UST: variants seen among roughly 807,000 people sequenced by gnomAD.
The protein encoded by UST is uronyl 2-sulfotransferase, also known as chondroitin sulfate 2-O-sulfotransferase.
A neutral mutation model predicts 45.6 loss-of-function variants in UST; 21 were observed. The observed-to-expected ratio is 0.46, with a 90% CI of 0.33 to 0.66. UST has a LOEUF of 0.66. UST is among the 30% of genes least tolerant of loss of function. The probability of loss-of-function intolerance (pLI) is 0.02; values close to 1 mark genes in which losing one functional copy is unlikely to be tolerated. For missense variants in UST, 463 were observed against 512.4 expected, an observed-to-expected ratio of 0.90 and a Z score of 0.93; for synonymous variants, 215 against 200.6, an observed-to-expected ratio of 1.07 and a Z score of -0.61.
chr6:148,879,389 G>A (rs1354294136), intron 1 of UST, among the ~76,000 whole-genome samples: 3 of 152,216 alleles, frequency 2.0e-5, no homozygotes, highest in Non-Finnish European at 4.4e-5. Context: ...TTTTACTTCT[G>A]GAAAGTGGGA....
At chr6:148,792,485 T>A (rs1776868447) in intron 1 of UST, among the ~76,000 whole-genome samples, 1 of 152,234 alleles carries the variant, frequency 6.6e-6, no homozygotes, top group Non-Finnish European at 1.5e-5. Context: ...AAGACAACTT[T>A]GAAAAATCTT....
In UST at chr6:149,076,857, C is replaced by A. The variant is rs1582988867; in HGVS notation, c.*2741C>A. 1 of 148,250 alleles carries A rather than the reference C, an allele frequency of 6.7e-6. No individual in the cohort carries two copies. The highest frequency in any genetic ancestry group is 1.5e-5 in the Non-Finnish European group (1 of 67,372). 9.2% of individuals were successfully genotyped at this position (148,250 alleles called of 1,614,324 possible). A position where few individuals can be genotyped will look rare whatever the true frequency, so the allele number is the denominator to read the frequency against. On this transcript the variant is annotated 3_prime_UTR_variant, in exon 8 of 8. Coordinates refer to ENST00000367463, the MANE Select transcript of UST (RefSeq NM_005715.3). ...ACCTTCAGCCTACTTTCTTGAGTGCCGTAAAAGTGCTTGTAAATCTTTTTT... is the reference window on the plus strand; with the variant it reads ...ACCTTCAGCCTACTTTCTTGAGTGCAGTAAAAGTGCTTGTAAATCTTTTTT...
At chr6:148,866,754 T>A (rs9322155) in intron 1 of UST, among the ~76,000 whole-genome samples, 81,813 of 151,954 alleles carry the variant, frequency 0.54, 23,343 homozygotes, top group East Asian at 0.98. Context: ...TTGTTTTTAT[T>A]CTCCTTACAA....
At chr6:148,921,846 C>T (rs973276811) in intron 2 of UST, among the ~76,000 whole-genome samples, 14 of 152,114 alleles carry the variant, frequency 9.2e-5, no homozygotes, top group Admixed American at 3.3e-4. Context: ...TCCCCACTGC[C>T]GCCACCCATG....
rs577911385 is a variant in UST, at chr6:148,811,462, T to C, written c.247+63785T>C. Among the ~76,000 whole-genome samples the C allele has an allele frequency of 1.2e-4, 19 of 152,292 alleles. No homozygotes were observed. In the South Asian group the frequency reaches 2.7e-3, roughly 22 times the overall value. On this transcript the variant is annotated intron_variant, in intron 1 of 7. Coordinates refer to ENST00000367463, the MANE Select transcript of UST (RefSeq NM_005715.3). ...TGTCTTATAGCAAAAAGTATGGATG[T>C]CGGAATGGGTGAGAATTGGCGCCAT...
At chr6:148,961,725 G>C (rs547631064) in intron 4 of UST, among the ~76,000 whole-genome samples, 5 of 152,366 alleles carry the variant, frequency 3.3e-5, no homozygotes, top group South Asian at 4.1e-4. Flanking sequence ...AAAAATCACT[G>C]TATGGGATGG....
rs763079487 is a variant in UST at position 148,943,974 on chromosome 6, C to T, written c.447+2540C>T. The stretch of plus-strand genomic sequence containing the variant: ...GCCAGGAAATAAAAGGACAAGAAAC[C>T]CAGTTTGAAGTTCAACAACATTTAG... On this transcript the variant is annotated intron_variant, in intron 3 of 7. Coordinates refer to ENST00000367463, the MANE Select transcript of UST (RefSeq NM_005715.3). Among the ~76,000 whole-genome samples, 3 of 152,124 alleles carry T rather than the reference C, an allele frequency of 2.0e-5. No individual in the cohort carries two copies. In the South Asian group the frequency reaches 6.2e-4, roughly 32 times the overall value.
intron 2 of UST, among the ~76,000 whole-genome samples, chr6:148,912,111 C>T (rs988768712): frequency 6.6e-6 from 1 of 152,188 alleles, no homozygotes; most frequent in African/African-American, 2.4e-5. Context: ...GCAGGAGAAT[C>T]GTCTGAACCT....
chr6:148,861,981 G>A (rs1395455964), intron 1 of UST, among the ~76,000 whole-genome samples: 1 of 152,116 alleles, frequency 6.6e-6, no homozygotes, highest in Non-Finnish European at 1.5e-5. Flanking sequence ...CTGTTGATTT[G>A]GGGTGGAGAG....
chr6:149,037,549 G>A (rs1321160603), intron 7 of UST, among the ~76,000 whole-genome samples: 1 of 152,232 alleles, frequency 6.6e-6, no homozygotes, highest in Non-Finnish European at 1.5e-5. Context: ...CAGCACAGAA[G>A]GAAGAGTGTT....
intron 5 of UST, among the ~76,000 whole-genome samples, chr6:149,000,425 A>G (rs1427121589): frequency 1.3e-5 from 2 of 152,168 alleles, no homozygotes; most frequent in Non-Finnish European, 2.9e-5. Context: ...CAAAACCACT[A>G]GAATAAGACA....
chr6:148,972,418 C>T (rs756645611), intron 5 of UST, among the ~76,000 whole-genome samples: 1 of 152,228 alleles, frequency 6.6e-6, no homozygotes, highest in Non-Finnish European at 1.5e-5. Flanking sequence ...GCAAGAGGCT[C>T]ACTCTGGTGA....
At chr6:148,857,028 T>C (rs1001782070) in intron 1 of UST, among the ~76,000 whole-genome samples, 5 of 150,580 alleles carry the variant, frequency 3.3e-5, no homozygotes, top group East Asian at 3.9e-4. Flanking sequence ...ACTATATGCC[T>C]ATTATATATA....
At chr6:148,874,156 CTCTT>C (rs1778608293) in intron 1 of UST, among the ~76,000 whole-genome samples, 1 of 152,230 alleles carries the variant, frequency 6.6e-6, no homozygotes, top group Admixed American at 6.5e-5. Flanking sequence ...GATTCCATCT[CTCTT>C]TGATACTCCA....
chr6:148,822,483 T>G (rs775659558), intron 1 of UST, among the ~76,000 whole-genome samples: 9 of 152,158 alleles, frequency 5.9e-5, no homozygotes, highest in Admixed American at 1.3e-4. Flanking sequence ...ATTGGCAAGA[T>G]AGATGAAACT....
chr6:149,060,659 C>T (rs910708553), intron 7 of UST, among the ~76,000 whole-genome samples: 20 of 152,170 alleles, frequency 1.3e-4, no homozygotes, highest in African/African-American at 4.8e-4. Context: ...GACGGTACTT[C>T]CTCTCCCACT....
intron 2 of UST, among the ~76,000 whole-genome samples, chr6:148,907,887 AG>A (rs1440382079): frequency 6.9e-6 from 1 of 144,646 alleles, no homozygotes; most frequent in African/African-American, 2.5e-5. Flanking sequence ...AATTTATGTC[AG>A]GGTGTTTCCA....
chr6:148,937,001 A>G (rs1780039122), intron 2 of UST, among the ~76,000 whole-genome samples: 2 of 152,148 alleles, frequency 1.3e-5, no homozygotes, highest in African/African-American at 2.4e-5. Context: ...GGCCATCAGA[A>G]ACAAATCTAT....
At chr6:148,920,040 A>G (rs1386931089) in intron 2 of UST, among the ~76,000 whole-genome samples, 4 of 152,228 alleles carry the variant, frequency 2.6e-5, no homozygotes, top group African/African-American at 7.2e-5. Flanking sequence ...CATCATGGGC[A>G]GTATTTATAG....
Sources: allele counts gnomAD v4.1 joint callset (sites outside exome capture counted in the v4.1 genomes callset), GRCh38; gene constraint gnomAD v4.1.1; transcripts MANE v1.5; gene names NCBI Gene and HGNC (gene_info 2026-07-23, HGNC 2026-07-21).